USP45: variants seen among roughly 807,000 people sequenced by gnomAD.
USP45 encodes the protein ubiquitin specific peptidase 45.
Under a neutral mutation model 95.8 loss-of-function variants are expected in USP45, and 89 were observed. That is an observed-to-expected ratio of 0.93 (90% CI 0.78 to 1.11). The LOEUF (loss-of-function observed/expected upper bound fraction) is 1.11, where lower values mean the gene tolerates loss of function less well. USP45 is among the 50% of genes least tolerant of loss of function. USP45 has a pLI of 0.00. For missense variants in USP45, 898 were observed against 942.5 expected (o/e 0.95, Z 0.62); for synonymous variants, 281 against 316.2 (o/e 0.89, Z 1.18).
chr6:99,506,876 G>A (rs1798644066), intron 4 of USP45, among the ~76,000 whole-genome samples: 1 of 152,020 alleles, frequency 6.6e-6, no homozygotes, highest in South Asian at 2.1e-4. Flanking sequence ...CAACTAAAAA[G>A]AATTTTTCTT....
chr6:99,456,954 CT>C (rs1441315994), intron 13 of USP45, among the ~76,000 whole-genome samples: 1 of 152,294 alleles, frequency 6.6e-6, no homozygotes, highest in African/African-American at 2.4e-5. Context: ...GAATGCGTGC[CT>C]GGGGGTAGGC....
chr6:99,444,854 A>G (rs1182498561), intron 14 of USP45, among the ~76,000 whole-genome samples: 2 of 152,172 alleles, frequency 1.3e-5, no homozygotes, highest in Non-Finnish European at 2.9e-5. Flanking sequence ...CTTCTTGGGA[A>G]CTATGAATAA....
chr6:99,508,844 G>A, intron 2 of USP45, 62 bp from the exon 3 acceptor site: 2 of 1,437,638 alleles, frequency 1.4e-6, no homozygotes, highest in Non-Finnish European at 9.3e-7. Context: ...TACCATTACT[G>A]AGCAAACCTC....
At chr6:99,508,503 G>T in intron 3 of USP45, 107 bp downstream of exon 3, 4 of 1,111,458 alleles carry the variant, frequency 3.6e-6, no homozygotes, top group Non-Finnish European at 3.7e-6. Context: ...TATCTAAATT[G>T]GAATAAATTT....
chr6:99,488,342 C>G, intron 6 of USP45, 47 bp from the exon 7 acceptor site: 2 of 1,261,728 alleles, frequency 1.6e-6, no homozygotes, highest in Non-Finnish European at 2.2e-6. Flanking sequence ...TAAAATATGC[C>G]TCTGATTTTA....
intron 7 of USP45, among the ~76,000 whole-genome samples, chr6:99,487,751 C>T (rs1235913552): frequency 6.6e-6 from 1 of 151,774 alleles, no homozygotes; most frequent in Admixed American, 6.6e-5. Context: ...GCTGAGATCG[C>T]GCCACTGCAC....
rs141149837 is a variant in USP45 at position 99,513,893 on chromosome 6, A to C, written c.-11+1499T>G. Among the ~76,000 whole-genome samples, 1,175 of 152,344 alleles carry C rather than the reference A, an allele frequency of 7.7e-3. 10 individuals carry two copies. The highest frequency in any genetic ancestry group is 0.026 in the African/African-American group (1,090 of 41,576). On this transcript the variant is annotated intron_variant, in intron 1 of 17. Transcript: ENST00000500704. ...TTTATCATCAAAATTGTGTCTGGGCACTGGAGACTGGGAAGGATGGGAGTG... is the reference window on the plus strand; with the variant it reads ...TTTATCATCAAAATTGTGTCTGGGCCCTGGAGACTGGGAAGGATGGGAGTG...
intron 13 of USP45, among the ~76,000 whole-genome samples, chr6:99,458,497 C>A (rs1785595353): frequency 6.6e-6 from 1 of 152,168 alleles, no homozygotes; most frequent in Admixed American, 6.5e-5. Flanking sequence ...GACATAAGTT[C>A]AAGTCAGCAG....
At chr6:99,464,563 C>T (rs1321173274) in intron 13 of USP45, 41 bp downstream of exon 13, 2 of 1,580,796 alleles carry the variant, frequency 1.3e-6, no homozygotes, top group Non-Finnish European at 1.7e-6. Flanking sequence ...TGTTAATAAA[C>T]TGTTAAAAAA....
chr6:99,461,687 T>C, intron 13 of USP45: 1 of 984,916 alleles, frequency 1.0e-6, no homozygotes, highest in Non-Finnish European at 1.2e-6. Flanking sequence ...ATAACTCATA[T>C]AATTTGGCAA....
Position 99,470,833 on chromosome 6 carries a change from C to T in USP45, c.934-2215G>A, listed in dbSNP as rs375096112. Among the ~76,000 whole-genome samples, 10 of 152,238 alleles carry T rather than the reference C, an allele frequency of 6.6e-5. No individual in the cohort carries two copies. In the South Asian group the frequency reaches 1.4e-3, roughly 22 times the overall value. On this transcript the variant is annotated intron_variant, in intron 9 of 17. Transcript: ENST00000500704. ...ATTCCAATAAATACCAATGTTCACT[C>T]GCAAATATTTCAGATAATCATAACA...
chr6:99,460,745 G>A (rs977566627), intron 13 of USP45: 1 of 977,692 alleles, frequency 1.0e-6, no homozygotes, highest in African/African-American at 1.8e-5. Flanking sequence ...GTAAATAAGA[G>A]GACTATGATT....
chr6:99,515,500 G>C (rs1342297990), upstream of USP45: 3 of 149,012 alleles, frequency 2.0e-5, no homozygotes, highest in Non-Finnish European at 2.9e-5. Context: ...GCCAGGACCG[G>C]GAGGGTTCCA....
At chr6:99,456,134 GAAAAAAA>G (rs71021737) in intron 13 of USP45, among the ~76,000 whole-genome samples, 1 of 89,524 alleles carries the variant, frequency 1.1e-5, no homozygotes, top group African/African-American at 4.6e-5. Flanking sequence ...CTCTGTCTCG[GAAAAAAA>G]AAAAAAAAAA....
chr6:99,512,091 T>A (rs1480246239), intron 1 of USP45, among the ~76,000 whole-genome samples: 3 of 152,074 alleles, frequency 2.0e-5, no homozygotes, highest in Non-Finnish European at 4.4e-5. Context: ...TATAGCTGGT[T>A]TTTTGAAAAA....
intron 17 of USP45, 94 bp from the exon 18 acceptor site, chr6:99,435,940 T>C (rs1780383822): frequency 1.6e-6 from 2 of 1,276,440 alleles, no homozygotes; most frequent in Middle Eastern, 5.1e-4. Flanking sequence ...ACAAACTCTA[T>C]CTAATGCCAA....
chr6:99,445,438 G>A (rs1287285096), intron 14 of USP45, among the ~76,000 whole-genome samples: 10 of 150,708 alleles, frequency 6.6e-5, no homozygotes, highest in Admixed American at 1.3e-4. Context: ...AGCCGAGATC[G>A]CGCCACTGTA....
At chr6:99,450,945 C>A (rs559560727) in intron 13 of USP45, among the ~76,000 whole-genome samples, 35 of 152,314 alleles carry the variant, frequency 2.3e-4, no homozygotes, top group Admixed American at 1.2e-3. Context: ...ACATGATTAT[C>A]TCAAAAGATG....
chr6:99,459,406 TC>T (rs1266077027), intron 13 of USP45, among the ~76,000 whole-genome samples: 2 of 152,224 alleles, frequency 1.3e-5, no homozygotes, highest in African/African-American at 4.8e-5. Flanking sequence ...TTAGGTTGAT[TC>T]CATGTCTTTG....
Sources: gnomAD v4.1 joint callset for allele counts (sites outside exome capture counted in the v4.1 genomes callset) on GRCh38, gnomAD v4.1.1 for gene constraint, MANE v1.5 for transcripts, NCBI Gene and HGNC (gene_info 2026-07-23, HGNC 2026-07-21) for gene names.